CCDC85C: variants seen among roughly 807,000 people sequenced by gnomAD.
The protein encoded by CCDC85C is coiled-coil domain-containing protein 85C.
CCDC85C carries 18 observed loss-of-function variants against 38.3 expected under a neutral mutation model. That is an observed-to-expected ratio of 0.47 (90% confidence interval 0.33 to 0.70). CCDC85C has a LOEUF of 0.70. CCDC85C is among the 30% of genes least tolerant of loss of function. The pLI is 0.03. For synonymous variants in CCDC85C, 264 were observed against 293.8 expected (o/e 0.90, Z 1.04); for missense variants, 566 against 621.2 (o/e 0.91, Z 0.94).
Position 99,572,461 on chromosome 14 carries a change from A to G in CCDC85C, c.793+30706T>C, listed in dbSNP as rs558503753. 1.6e-4 allele frequency among the ~76,000 whole-genome samples: 25 copies of G among 152,036 alleles called. 1 individual carries two copies. The highest frequency in any genetic ancestry group is 3.2e-4 in the Non-Finnish European group (22 of 67,944). On this transcript the variant is annotated intron_variant, in intron 1 of 5. Transcript: ENST00000380243. This position sits in a 1 kb window ranked among gnomAD's most constrained non-coding sequence, Gnocchi z 4.4. Reference sequence around the variant, plus strand: ...CACAGGGAAGCCAGAGGGCCTCACAAGTATAAATGATCAGGTATCACACCT... The same window carrying G: ...CACAGGGAAGCCAGAGGGCCTCACAGGTATAAATGATCAGGTATCACACCT...
At chr14:99,578,930 C>T (rs1034684484) in intron 1 of CCDC85C, among the ~76,000 whole-genome samples, 2 of 152,194 alleles carry the variant, frequency 1.3e-5, no homozygotes, top group Admixed American at 6.5e-5. Flanking sequence ...TGTTGACACA[C>T]TCCCTGCCCC....
Position 99,502,511 on chromosome 14 carries a change from A to AT in CCDC85C, c.*12734dup. 7.3e-7 allele frequency: 1 copy of AT among 1,377,924 alleles called. No individual in the cohort carries two copies. The highest frequency in any genetic ancestry group is 1.5e-5 in the South Asian group (1 of 65,880). The allele number at this position is 1,377,924 out of a possible 1,614,324, so 85.4% of individuals were successfully genotyped here. On this transcript the variant is annotated 3_prime_UTR_variant, in exon 6 of 6. Coordinates refer to ENST00000380243, the MANE Select transcript of CCDC85C (RefSeq NM_001144995.2). Reference sequence around the variant, plus strand: ...ATATTTCAGAAGCATCATTAATTAAATTATCTAATAGTTTCCACTTTGTCC... The same window carrying AT: ...ATATTTCAGAAGCATCATTAATTAAATTTATCTAATAGTTTCCACTTTGTCC...
chr14:99,565,110 A>G (rs1234385114), intron 1 of CCDC85C, among the ~76,000 whole-genome samples: 3 of 152,164 alleles, frequency 2.0e-5, no homozygotes, highest in Non-Finnish European at 4.4e-5. Flanking sequence ...CTGTCCCCCA[A>G]CTGGTTTTCC....
rs1052962470 is a variant in CCDC85C, at chr14:99,572,470, G to T, written c.793+30697C>A. Among the ~76,000 whole-genome samples, 1 of 148,014 alleles carries T rather than the reference G, an allele frequency of 6.8e-6. No individual in the cohort carries two copies. Among genetic ancestry groups the T allele is most frequent in the African/African-American group, 2.5e-5 (1 of 40,214 alleles). On this transcript the variant is annotated intron_variant, in intron 1 of 5. Transcript: ENST00000380243. The surrounding 1 kb of genome is among the most constrained non-coding windows in gnomAD (Gnocchi z 4.4). ...GCCAGAGGGCCTCACAAGTATAAAT[G>T]ATCAGGTATCACACCTCCGCCAGGC... is the stretch of plus-strand genomic sequence containing the variant.
chr14:99,500,523 T>A lies in CCDC85C; in HGVS notation c.*14723A>T, dbSNP rs1044777595. 4.6e-6 allele frequency: 2 copies of A among 431,604 alleles called. No individual in the cohort carries two copies. Among genetic ancestry groups the A allele is most frequent in the African/African-American group, 4.2e-5 (2 of 47,994 alleles). 26.7% of individuals were successfully genotyped at this position (431,604 alleles called of 1,614,324 possible). A position where few individuals can be genotyped will look rare whatever the true frequency, so the allele number is the denominator to read the frequency against. ...TTGAAAATAATAATATTTTTAAGGATCTTTTGTTTTCAGTATTTTTTTTTA... is the reference window on the plus strand; with the variant it reads ...TTGAAAATAATAATATTTTTAAGGAACTTTTGTTTTCAGTATTTTTTTTTA... On this transcript the variant is annotated 3_prime_UTR_variant, in exon 6 of 6. Coordinates refer to ENST00000380243, the MANE Select transcript of CCDC85C (RefSeq NM_001144995.2).
rs368012191 is a variant in CCDC85C at position 99,520,951 on chromosome 14, C to T, written c.975+1182G>A. Among the ~76,000 whole-genome samples the T allele has an allele frequency of 2.0e-5, 3 of 152,264 alleles. No individual in the cohort carries two copies. The highest frequency in any genetic ancestry group is 4.4e-5 in the Non-Finnish European group (3 of 68,048). On this transcript the variant is annotated intron_variant, in intron 3 of 5. Coordinates refer to ENST00000380243, the MANE Select transcript of CCDC85C (RefSeq NM_001144995.2). This position sits in a 1 kb window ranked among gnomAD's most constrained non-coding sequence, Gnocchi z 4.1. ...ATCCGCACTCTCAGGCCTTGAGGCT[C>T]GGCCCATGCCTGAGGTGTGCTCTCC...
Position 99,516,250 on chromosome 14 carries a change from G to C in CCDC85C, c.1108C>G (p.Gln370Glu). Residue 370 changes from glutamine to glutamate, a missense_variant, in exon 5 of 6, where the codon CAG becomes GAG. Around this residue, in one of 3 missense-constraint regions of CCDC85C, gnomAD observed 286 missense variants for 276.4 expected, o/e 1.03. Coordinates refer to ENST00000380243, the MANE Select transcript of CCDC85C (RefSeq NM_001144995.2). The surrounding 1 kb of genome is among the most constrained non-coding windows in gnomAD (Gnocchi z 5.5). ...CTCAGGTCCTCCTCACAGCTGTCCT[G>C]GAGCTGCCGGTCCAGATTCTCGTGT... ...EVHENLDRQL[Q>E]DSCEEDLSEK... The C allele has an allele frequency of 6.4e-7, 1 of 1,551,240 alleles. No individual in the cohort carries two copies. The highest frequency in any genetic ancestry group is 8.7e-7 in the Non-Finnish European group (1 of 1,146,952).
chr14:99,563,755 C>T (rs921873689), intron 1 of CCDC85C, among the ~76,000 whole-genome samples: 19 of 152,218 alleles, frequency 1.2e-4, no homozygotes, highest in Non-Finnish European at 2.4e-4. Context: ...ATCCCTTGTG[C>T]CTCTCTGTGG....
intron 1 of CCDC85C, among the ~76,000 whole-genome samples, chr14:99,574,359 C>G (rs1053307121): frequency 6.6e-6 from 1 of 152,102 alleles, no homozygotes; most frequent in Non-Finnish European, 1.5e-5. Flanking sequence ...TTGGAAGACA[C>G]TGAGCCACTC....
At chr14:99,542,293 ACAGG>A (rs1172527789) in intron 1 of CCDC85C, among the ~76,000 whole-genome samples, 2 of 152,214 alleles carry the variant, frequency 1.3e-5, no homozygotes, top group Non-Finnish European at 2.9e-5. Context: ...GCACCAAGTA[ACAGG>A]CAGGGCAGGG....
chr14:99,518,551 T>C (rs1443056442), intron 3 of CCDC85C, among the ~76,000 whole-genome samples: 1 of 150,822 alleles, frequency 6.6e-6, no homozygotes, highest in Non-Finnish European at 1.5e-5. Flanking sequence ...ACGCTGGGGA[T>C]TCCCCCTGGG....
intron 1 of CCDC85C, among the ~76,000 whole-genome samples, chr14:99,540,994 TG>T (rs1897701889): frequency 6.6e-6 from 1 of 152,304 alleles, no homozygotes; most frequent in Admixed American, 6.5e-5. Context: ...TTCCCCCTCC[TG>T]GCCTGGTTTT....
At chr14:99,600,279 C>T (rs941121435) in intron 1 of CCDC85C, among the ~76,000 whole-genome samples, 1 of 152,150 alleles carries the variant, frequency 6.6e-6, no homozygotes, top group Non-Finnish European at 1.5e-5. Context: ...TAATGGGGCA[C>T]TCTGGGTTCT....
chr14:99,559,956 A>G (rs1271079475), intron 1 of CCDC85C, among the ~76,000 whole-genome samples: 2 of 151,714 alleles, frequency 1.3e-5, no homozygotes, highest in African/African-American at 2.4e-5. Context: ...TTTTTCTTCT[A>G]CATTTCCCCA....
chr14:99,543,905 A>G (rs1897759066), intron 1 of CCDC85C, among the ~76,000 whole-genome samples: 3 of 152,254 alleles, frequency 2.0e-5, no homozygotes, highest in Admixed American at 2.0e-4. Flanking sequence ...CTCAGTGCCC[A>G]CAGCCCACAA....
Position 99,510,812 on chromosome 14 carries a change from T to C in CCDC85C, c.*4434A>G. ...AGCCTTTTTTCCCTCTTTGTTTTTT[T>C]AACAAGATTTTCTAATCGACTTGCA... On this transcript the variant is annotated 3_prime_UTR_variant, in exon 6 of 6. Transcript: ENST00000380243. The C allele has an allele frequency of 7.1e-7, 1 of 1,398,962 alleles. No individual in the cohort carries two copies. Among genetic ancestry groups the C allele is most frequent in the Non-Finnish European group, 9.3e-7 (1 of 1,075,004 alleles). 86.7% of individuals were successfully genotyped at this position (1,398,962 alleles called of 1,614,324 possible).
At chr14:99,518,362 T>C (rs1897256306) in intron 3 of CCDC85C, among the ~76,000 whole-genome samples, 1 of 151,814 alleles carries the variant, frequency 6.6e-6, no homozygotes, top group African/African-American at 2.4e-5. Flanking sequence ...AGCTGCTACC[T>C]CCGGAGGCCC....
intron 3 of CCDC85C, 97 bp from the exon 4 acceptor site, chr14:99,517,280 C>T: frequency 1.0e-6 from 1 of 971,158 alleles, no homozygotes; most frequent in South Asian, 1.7e-5. Context: ...GGGCCAGGGC[C>T]CAGGCAGGAG....
At chr14:99,583,598 A>G (rs1682564550) in intron 1 of CCDC85C, among the ~76,000 whole-genome samples, 1 of 152,014 alleles carries the variant, frequency 6.6e-6, no homozygotes, top group African/African-American at 2.4e-5. Flanking sequence ...CAAGGTCAGA[A>G]GTTTGAGATC....
Sources: gnomAD v4.1 joint callset for allele counts (sites outside exome capture counted in the v4.1 genomes callset) on GRCh38, gnomAD v4.1.1 for gene constraint, gnomAD v4.1.1 regional missense constraint, Gnocchi (gnomAD v3.1) non-coding constraint, MANE v1.5 for transcripts, NCBI Gene and HGNC (gene_info 2026-07-23, HGNC 2026-07-21) for gene names.